Variants in DNAJC2 observed in about 807,000 individuals in gnomAD.
The protein encoded by DNAJC2 is dnaJ homolog subfamily C member 2.
Under a neutral mutation model 94.0 loss-of-function variants are expected in DNAJC2, and 32 were observed. That is an observed-to-expected ratio of 0.34 (90% CI 0.26 to 0.46). The LOEUF is 0.46. DNAJC2 is among the 20% of genes least tolerant of loss of function. The pLI, the probability that DNAJC2 is intolerant of heterozygous loss-of-function variation, is 1.00. For synonymous variants in DNAJC2, 210 were observed against 229.7 expected (o/e 0.91, Z 0.77); for missense variants, 550 against 719.5 (o/e 0.76, Z 2.69).
In DNAJC2 at chr7:103,314,502, C is replaced by T. The variant is rs143922430; in HGVS notation, c.1636+1262G>A. On this transcript the variant is annotated intron_variant, in intron 15 of 16. Coordinates refer to ENST00000379263, the MANE Select transcript of DNAJC2 (RefSeq NM_014377.3). The stretch of plus-strand genomic sequence containing the variant: ...ACTGGACAAATATCAGGGCCCACCT[C>T]CCTCCAACATGGAAACAAGTCCCCC... 7.8e-4 allele frequency: 772 copies of T among 985,388 alleles called. 1 individual carries two copies. Among genetic ancestry groups the T allele is most frequent in the Non-Finnish European group, 8.8e-4 (731 of 829,922 alleles). The allele number at this position is 985,388 out of a possible 1,614,324, so 61.0% of individuals were successfully genotyped here. A position where few individuals can be genotyped will look rare whatever the true frequency, so the allele number is the denominator to read the frequency against.
intron 2 of DNAJC2, among the ~76,000 whole-genome samples, chr7:103,340,838 A>G (rs899169919): frequency 6.6e-6 from 1 of 152,128 alleles, no homozygotes; most frequent in African/African-American, 2.4e-5. Context: ...TCATAGACCA[A>G]TTTCTAACCA....
At chr7:103,329,084 C>A in intron 3 of DNAJC2, 2 of 931,066 alleles carry the variant, frequency 2.1e-6, no homozygotes, top group Non-Finnish European at 2.9e-6. Context: ...CGCTGGTGGT[C>A]AACAATTTTT....
intron 2 of DNAJC2, among the ~76,000 whole-genome samples, chr7:103,340,836 C>G (rs2116056228): frequency 6.6e-6 from 1 of 152,264 alleles, no homozygotes; most frequent in South Asian, 2.1e-4. Flanking sequence ...AGTCATAGAC[C>G]AATTTCTAAC....
intron 2 of DNAJC2, among the ~76,000 whole-genome samples, chr7:103,338,424 G>A (rs1300270229): frequency 6.7e-6 from 1 of 149,970 alleles, no homozygotes; most frequent in Non-Finnish European, 1.5e-5. Context: ...AGCCTTCCAA[G>A]TTGCTGGGAT....
Position 103,312,934 on chromosome 7 carries a change from T to C in DNAJC2, c.1791+13A>G. On this transcript the variant is annotated intron_variant, in intron 16 of 16. Coordinates refer to ENST00000379263, the MANE Select transcript of DNAJC2 (RefSeq NM_014377.3). ...TTAAAATACAACAATCTATAAACGC[T>C]TAAGTCTGCAACCTTGTATCGTTTC... The C allele has an allele frequency of 6.2e-7, 1 of 1,602,428 alleles. No homozygotes were observed. The highest frequency in any genetic ancestry group is 8.5e-7 in the Non-Finnish European group (1 of 1,177,144).
intron 3 of DNAJC2, chr7:103,337,419 T>G (rs1586111315): frequency 4.7e-6 from 1 of 213,838 alleles, no homozygotes; most frequent in East Asian, 1.1e-4. Context: ...ATCCACTAAG[T>G]GCAGCTGCTA....
At chr7:103,335,143 C>T (rs983283857) in intron 3 of DNAJC2, 16 of 152,236 alleles carry the variant, frequency 1.1e-4, no homozygotes, top group African/African-American at 3.6e-4. Context: ...TCCTACTTCA[C>T]ACTTAATTAA....
rs1236527283 is a variant in DNAJC2, at chr7:103,326,654, C to G, written c.461G>C (p.Arg154Thr). The G allele has an allele frequency of 6.2e-7, 1 of 1,612,484 alleles. No homozygotes were observed. Among genetic ancestry groups the G allele is most frequent in the Non-Finnish European group, 8.5e-7 (1 of 1,179,504 alleles). ...AGGATCTACACTGTTAAATGCTCGT[C>G]TTTTCACTGGATCAGATAACATTTC... is the stretch of plus-strand genomic sequence containing the variant. Reference protein sequence around the residue: ...AYEMLSDPVKRRAFNSVDPTF... With the variant: ...AYEMLSDPVKTRAFNSVDPTF... Residue 154 changes from arginine to threonine, a missense_variant, in exon 5 of 17, where the codon AGA (arginine) becomes ACA (threonine). By Grantham distance (71) the Arg-to-Thr change is moderately conservative. Around this residue, in one of 2 missense-constraint regions of DNAJC2, gnomAD observed 279 missense variants for 416.9 expected, o/e 0.67. Transcript: ENST00000379263.
intron 10 of DNAJC2, 100 bp downstream of exon 10, chr7:103,321,832 A>C: frequency 7.2e-7 from 1 of 1,386,664 alleles, no homozygotes. Context: ...TGGGCGACAG[A>C]GCGAGACCCC....
At position 103,344,451 on chromosome 7, in the gene DNAJC2, G is replaced by A. The variant is rs1052249142; in HGVS notation, c.64+108C>T. On this transcript the variant is annotated intron_variant, in intron 1 of 16. Transcript: ENST00000379263. ...CTCGTCACGGCCCCATACGGCCCCG[G>A]GGCTAGTCGCCAGGGTCAAGGGTAG... is the stretch of plus-strand genomic sequence containing the variant. The A allele has an allele frequency of 6.2e-6, 8 of 1,284,916 alleles. No individual in the cohort carries two copies. The Admixed American group carries it at 7.0e-5, about 11-fold the overall frequency. 79.6% of individuals were successfully genotyped at this position (1,284,916 alleles called of 1,614,324 possible).
intron 3 of DNAJC2, among the ~76,000 whole-genome samples, chr7:103,330,826 C>T (rs139193540): frequency 0.052 from 7,921 of 151,970 alleles, 287 homozygotes; most frequent in South Asian, 0.14. Flanking sequence ...AAGCGATCCT[C>T]CCACCCTGGC....
rs1285481016 is a variant in DNAJC2, at chr7:103,316,008, G to C, written c.1508C>G (p.Ala503Gly). ...CTCACCAAGTTTTTGGAGACTCTTT[G>C]CTTTGCCAATAACATCTTTGGCAGT... ...KRTAKDVIGK[A>G]KSLQKLDPHQ... Residue 503 changes from alanine to glycine, a missense_variant, in exon 14 of 17, where the codon GCA (alanine) becomes GGA (glycine). Physicochemically the swap from Ala to Gly is moderately conservative, Grantham distance 60. This residue lies in a region of DNAJC2 where 271 missense variants were observed against 302.6 expected (regional missense o/e 0.90). Transcript: ENST00000379263. 1 of 1,599,088 alleles carries C rather than the reference G, an allele frequency of 6.3e-7. No homozygotes were observed. Among genetic ancestry groups the C allele is most frequent in the Non-Finnish European group, 8.5e-7 (1 of 1,173,146 alleles).
intron 3 of DNAJC2, among the ~76,000 whole-genome samples, chr7:103,330,306 G>A (rs1314032486): frequency 6.7e-6 from 1 of 150,332 alleles, no homozygotes; most frequent in Admixed American, 6.6e-5. Context: ...TTTTTTTTGA[G>A]ACAGGGTCTC....
At chr7:103,327,063 C>T (rs1015607318) in intron 4 of DNAJC2, among the ~76,000 whole-genome samples, 4 of 152,084 alleles carry the variant, frequency 2.6e-5, no homozygotes, top group African/African-American at 4.8e-5. Context: ...TAAATATGAA[C>T]GGTGTGCATA....
chr7:103,330,232 C>CT (rs1818909153), intron 3 of DNAJC2, among the ~76,000 whole-genome samples: 1 of 152,196 alleles, frequency 6.6e-6, no homozygotes, highest in South Asian at 2.1e-4. Context: ...GAGAGAAACT[C>CT]TATGTGTTCA....
At chr7:103,329,296 G>A (rs974068908) in intron 3 of DNAJC2, 2 of 180,592 alleles carry the variant, frequency 1.1e-5, no homozygotes, top group Admixed American at 6.4e-5. Context: ...TGAGGAAAAT[G>A]AGGCACAGAG....
intron 15 of DNAJC2, chr7:103,314,679 C>T (rs976714654): frequency 1.0e-6 from 1 of 983,666 alleles, no homozygotes; most frequent in Middle Eastern, 5.2e-4. Context: ...GAAATAATGC[C>T]TAACTCAGCC....
In DNAJC2 at chr7:103,322,023, A is replaced by C. The variant is rs1298018767; in HGVS notation, c.992T>G (p.Val331Gly). Residue 331 changes from valine to glycine, a missense_variant, in exon 10 of 17, where the codon GTC (valine) becomes GGC (glycine). This residue lies in a region of DNAJC2 where 279 missense variants were observed against 416.9 expected (regional missense o/e 0.67). Transcript: ENST00000379263. ...CTTTGCCAGCAATGCTTGCTGTCTG[A>C]CTTCCTCCTCTTCTTTCTCCTTAGC... ...RLAKEKEEEEVRQQALLAKKE... is the reference protein window; with the variant it reads ...RLAKEKEEEEGRQQALLAKKE... 6.2e-7 allele frequency: 1 copy of C among 1,613,644 alleles called. No homozygotes were observed. Among genetic ancestry groups the C allele is most frequent in the Non-Finnish European group, 8.5e-7 (1 of 1,179,888 alleles).
rs529309681 is a variant in DNAJC2 at position 103,314,014 on chromosome 7, T to C, written c.1637-913A>G. 15 of 985,244 alleles carry C rather than the reference T, an allele frequency of 1.5e-5. No homozygotes were observed. The South Asian group carries it at 6.1e-4, about 40-fold the overall frequency. The allele number at this position is 985,244 out of a possible 1,614,324, so 61.0% of individuals were successfully genotyped here. On this transcript the variant is annotated intron_variant, in intron 15 of 16. Coordinates refer to ENST00000379263, the MANE Select transcript of DNAJC2 (RefSeq NM_014377.3). ...CCTAGAAACCAAAGTTCCTTCCCAA[T>C]TAAAGAAGGAAAAACAAAACAAAAC...
Sources: allele counts gnomAD v4.1 joint callset (sites outside exome capture counted in the v4.1 genomes callset), GRCh38; gene constraint gnomAD v4.1.1; regional missense constraint gnomAD v4.1.1; transcripts MANE v1.5; gene names NCBI Gene and HGNC (gene_info 2026-07-23, HGNC 2026-07-21).